NTM: variants seen among roughly 807,000 people sequenced by gnomAD.
NTM encodes the protein neurotrimin, also known as IgLON family member 2.
A neutral mutation model predicts 42.1 loss-of-function variants in NTM; 13 were observed. The observed-to-expected ratio is 0.31, with a 90% CI of 0.20 to 0.49. The LOEUF is 0.49. NTM is among the 20% of genes least tolerant of loss of function. NTM has a pLI of 0.99. For missense variants in NTM, 373 were observed against 452.8 expected, an observed-to-expected ratio of 0.82 and a Z score of 1.60; for synonymous variants, 187 against 179.2, an observed-to-expected ratio of 1.04 and a Z score of -0.35.
chr11:131,905,296 A>G (rs752172431), intron 1 of NTM, among the ~76,000 whole-genome samples: 2 of 152,146 alleles, frequency 1.3e-5, no homozygotes, highest in African/African-American at 2.4e-5. Context: ...GGTCCTTCTT[A>G]TTGGATAAAT....
At chr11:131,628,115 T>C (rs1280540740) in intron 1 of NTM, among the ~76,000 whole-genome samples, 2 of 152,160 alleles carry the variant, frequency 1.3e-5, no homozygotes, top group Non-Finnish European at 2.9e-5. Context: ...GCTTAGAAAG[T>C]TGGGAGGACC....
intron 2 of NTM, among the ~76,000 whole-genome samples, chr11:131,956,969 A>G (rs1317026992): frequency 6.6e-6 from 1 of 151,110 alleles, no homozygotes; most frequent in African/African-American, 2.5e-5. Context: ...TCAGGCTCCT[A>G]TTTTGTGCTG....
intron 2 of NTM, among the ~76,000 whole-genome samples, chr11:132,126,969 C>A (rs2137016534): frequency 6.6e-6 from 1 of 152,324 alleles, no homozygotes; most frequent in Middle Eastern, 3.4e-3. Flanking sequence ...TAACTTGCTT[C>A]TTTCGGGCCT....
chr11:131,471,151 TACTA>T (rs1283120059), intron 1 of NTM, among the ~76,000 whole-genome samples: 1 of 152,214 alleles, frequency 6.6e-6, no homozygotes, highest in Non-Finnish European at 1.5e-5. Flanking sequence ...TGTCAGCTCT[TACTA>T]ACTCAGACTG....
intron 2 of NTM, among the ~76,000 whole-genome samples, chr11:132,140,761 C>G (rs941699340): frequency 4.6e-5 from 7 of 152,176 alleles, no homozygotes; most frequent in Non-Finnish European, 1.0e-4. Context: ...CACGCCAACC[C>G]CATGGCAGCG....
chr11:132,106,457 A>G (rs964937684), intron 2 of NTM, among the ~76,000 whole-genome samples: 1 of 152,192 alleles, frequency 6.6e-6, no homozygotes, highest in Non-Finnish European at 1.5e-5. Flanking sequence ...AAAATGGTCA[A>G]ACTCTCCGCA....
intron 4 of NTM, among the ~76,000 whole-genome samples, chr11:132,303,989 C>T (rs2140146045): frequency 6.6e-6 from 1 of 152,226 alleles, no homozygotes; most frequent in Non-Finnish European, 1.5e-5. Flanking sequence ...TGACCTACCC[C>T]ATCATGAAAC....
At chr11:131,691,825 C>A (rs377520073) in intron 1 of NTM, among the ~76,000 whole-genome samples, 11 of 152,224 alleles carry the variant, frequency 7.2e-5, no homozygotes, top group Admixed American at 3.3e-4. Flanking sequence ...AGGTGCCAGG[C>A]GTCTTTCGTG....
At chr11:131,671,521 C>G in intron 1 of NTM, 2 of 981,110 alleles carry the variant, frequency 2.0e-6, no homozygotes, top group Non-Finnish European at 2.4e-6. Flanking sequence ...CGGTGGCTGC[C>G]CTCACCCTCC....
chr11:131,912,233 G>A (rs552093257), intron 2 of NTM, among the ~76,000 whole-genome samples: 46 of 152,304 alleles, frequency 3.0e-4, no homozygotes, highest in African/African-American at 1.1e-3. Context: ...GTGGCTTTCT[G>A]AGGCCCAAGT....
intron 2 of NTM, among the ~76,000 whole-genome samples, chr11:132,027,808 T>G (rs529645863): frequency 6.6e-6 from 1 of 152,306 alleles, no homozygotes. Flanking sequence ...TCTCAGTCAT[T>G]ATTGCTTCAA....
chr11:132,154,617 C>T (rs906914633), intron 3 of NTM, among the ~76,000 whole-genome samples: 16 of 152,094 alleles, frequency 1.1e-4, no homozygotes, highest in African/African-American at 1.4e-4. Flanking sequence ...AGGATGCTGC[C>T]GAGGATGAAT....
chr11:131,633,205 G>A (rs1377469091), intron 1 of NTM, among the ~76,000 whole-genome samples: 1 of 152,080 alleles, frequency 6.6e-6, no homozygotes. Flanking sequence ...ATGAACTGGG[G>A]AGTATTTCCC....
intron 7 of NTM, among the ~76,000 whole-genome samples, chr11:132,318,628 A>G (rs1218212703): frequency 6.6e-6 from 1 of 152,310 alleles, no homozygotes; most frequent in East Asian, 1.9e-4. Flanking sequence ...CCAAGCAAGC[A>G]GTGGAATAAA....
chr11:131,492,697 T>C (rs1460287558), intron 1 of NTM, among the ~76,000 whole-genome samples: 8 of 152,066 alleles, frequency 5.3e-5, no homozygotes. Flanking sequence ...ATTAAATAGA[T>C]CCATGTGTCT....
chr11:131,615,820 GCAT>G (rs1199321384), intron 1 of NTM, among the ~76,000 whole-genome samples: 1 of 152,168 alleles, frequency 6.6e-6, no homozygotes, highest in African/African-American at 2.4e-5. Flanking sequence ...CTGAGCCTGT[GCAT>G]CCCAGGGAGC....
intron 1 of NTM, among the ~76,000 whole-genome samples, chr11:131,693,854 A>G (rs1258241290): frequency 6.6e-6 from 1 of 152,206 alleles, no homozygotes; most frequent in Non-Finnish European, 1.5e-5. Context: ...GCGAGAGAGG[A>G]GAAGCTGCTT....
chr11:131,653,758 C>T (rs566201414), intron 1 of NTM, among the ~76,000 whole-genome samples: 151 of 152,352 alleles, frequency 9.9e-4, no homozygotes, highest in African/African-American at 3.4e-3. Flanking sequence ...CCTCAGAGGG[C>T]TCCCCCCGCG....
intron 1 of NTM, among the ~76,000 whole-genome samples, chr11:131,459,224 C>G (rs956189626): frequency 1.3e-5 from 2 of 152,244 alleles, no homozygotes; most frequent in African/African-American, 2.4e-5. Context: ...GCCTCTTGCT[C>G]TCACCAGCAA....
Sources: allele counts gnomAD v4.1 joint callset (sites outside exome capture counted in the v4.1 genomes callset), GRCh38; gene constraint gnomAD v4.1.1; transcripts MANE v1.5; gene names NCBI Gene and HGNC (gene_info 2026-07-23, HGNC 2026-07-21).